The following AOPEP variants were observed in gnomAD, a reference collection of about 807,000 sequenced individuals.
The protein encoded by AOPEP is aminopeptidase O.
Under a neutral mutation model 98.1 loss-of-function variants are expected in AOPEP, and 77 were observed. That is an observed-to-expected ratio of 0.78 (90% confidence interval 0.65 to 0.95). The LOEUF is 0.95. Ranked by LOEUF, AOPEP falls within the 40% of genes least tolerant of loss-of-function variation. The probability of loss-of-function intolerance (pLI) is 0.00; values close to 1 mark genes in which losing one functional copy is unlikely to be tolerated. For synonymous variants in AOPEP, 346 were observed against 365.3 expected, an observed-to-expected ratio of 0.95 and a Z score of 0.60; for missense variants, 1,024 against 1,024.7, an observed-to-expected ratio of 1.00 and a Z score of 0.01.
At chr9:95,149,075 T>C in the AOPEP span, among the ~76,000 whole-genome samples, 1 of 150,338 alleles carries the variant, frequency 6.7e-6, no homozygotes, top group Non-Finnish European at 1.5e-5. Flanking sequence ...TGTCAAACAT[T>C]TTTTTTTTTG....
chr9:95,004,266 G>C lies in AOPEP; in HGVS notation c.1978-892G>C, dbSNP rs573000294. On this transcript the variant is annotated intron_variant, in intron 11 of 16. Coordinates refer to ENST00000375315, the MANE Select transcript of AOPEP (RefSeq NM_001193329.3). ...TTTGGCGGGTGGAGGAAAATCTTGG[G>C]GTATCGCACATTTTTATAAAGTAAG... is the stretch of plus-strand genomic sequence containing the variant. 8.1e-5 allele frequency: 37 copies of C among 456,608 alleles called. 2 individuals carry two copies. The highest frequency in any genetic ancestry group is 3.3e-4 in the Middle Eastern group (1 of 3,066). 28.3% of individuals were successfully genotyped at this position (456,608 alleles called of 1,614,324 possible). A position where few individuals can be genotyped will look rare whatever the true frequency, so the allele number is the denominator to read the frequency against.
the AOPEP span, chr9:95,099,672 C>T: frequency 1.3e-5 from 3 of 231,742 alleles, no homozygotes; most frequent in African/African-American, 2.2e-5. Context: ...TTCAGTGCCA[C>T]GTCCCCAGAG....
chr9:94,750,684 G>T (rs1460878005), intron 1 of AOPEP, among the ~76,000 whole-genome samples: 1 of 151,924 alleles, frequency 6.6e-6, no homozygotes, highest in Admixed American at 6.6e-5. Flanking sequence ...TAAACTTATG[G>T]CAGTTATTTA....
At chr9:94,744,406 A>G (rs1441426070) in intron 1 of AOPEP, among the ~76,000 whole-genome samples, 1 of 151,338 alleles carries the variant, frequency 6.6e-6, no homozygotes, top group Non-Finnish European at 1.5e-5. Flanking sequence ...AACAACAACA[A>G]CAAAATATGG....
intron 11 of AOPEP, among the ~76,000 whole-genome samples, chr9:94,985,434 G>A (rs142662475): frequency 1.3e-5 from 2 of 152,304 alleles, no homozygotes; most frequent in South Asian, 2.1e-4. Context: ...CTGTAGTCAC[G>A]ATGTGCTTTT....
intron 5 of AOPEP, among the ~76,000 whole-genome samples, chr9:94,845,916 A>G (rs10761360): frequency 0.95 from 144,041 of 152,022 alleles, 68,261 homozygotes; most frequent in Middle Eastern, 0.99. Context: ...CCAACATTGC[A>G]AAACTCCATC....
chr9:94,871,900 G>A (rs545659289), intron 5 of AOPEP, among the ~76,000 whole-genome samples: 3 of 152,194 alleles, frequency 2.0e-5, no homozygotes, highest in African/African-American at 7.2e-5. Context: ...CCAGCTACTC[G>A]GGAGGCTGAG....
At chr9:95,084,256 C>T in intron 16 of AOPEP, among the ~76,000 whole-genome samples, 1 of 152,128 alleles carries the variant, frequency 6.6e-6, no homozygotes, top group African/African-American at 2.4e-5. Context: ...TTATGAAAAC[C>T]ATTTCTGTGT....
chr9:94,750,759 T>C (rs1044704137), intron 1 of AOPEP, among the ~76,000 whole-genome samples: 7 of 146,068 alleles, frequency 4.8e-5, no homozygotes, highest in African/African-American at 1.7e-4. Context: ...TTTCTTTCTT[T>C]TTTTTTTTTT....
rs1256906319 is a variant in AOPEP at position 94,800,873 on chromosome 9, G to C, written c.1235G>C (p.Cys412Ser). 1 of 1,614,018 alleles carries C rather than the reference G, an allele frequency of 6.2e-7. No individual in the cohort carries two copies. Among genetic ancestry groups the C allele is most frequent in the African/African-American group, 1.3e-5 (1 of 74,882 alleles). ...GCCCCTGTGTGCCTCACGGGTGCCTGCCAAGAGACCCTTCTGCGGCTGATC... is the reference window on the plus strand; with the variant it reads ...GCCCCTGTGTGCCTCACGGGTGCCTCCCAAGAGACCCTTCTGCGGCTGATC... Reference protein sequence around the residue: ...VFAPVCLTGACQETLLRLIPP... With the variant: ...VFAPVCLTGASQETLLRLIPP... The change falls in exon 5 of 17, where the codon TGC becomes TCC. Residue 412 changes from cysteine to serine, a missense_variant. This residue lies in a region of AOPEP where 566 missense variants were observed against 551.7 expected (regional missense o/e 1.03). Coordinates refer to ENST00000375315, the MANE Select transcript of AOPEP (RefSeq NM_001193329.3).
intron 5 of AOPEP, among the ~76,000 whole-genome samples, chr9:94,835,693 A>G (rs2041509355): frequency 6.6e-6 from 1 of 152,220 alleles, no homozygotes; most frequent in Non-Finnish European, 1.5e-5. Flanking sequence ...AACAGCTTAT[A>G]GGCAAATGCC....
rs71366265 is a variant in AOPEP at position 94,875,347 on chromosome 9, GAAAAAAAAAAA to G, written c.1365-48624_1365-48614del. Among the ~76,000 whole-genome samples, 21 of 71,514 alleles carry G rather than the reference GAAAAAAAAAAA, an allele frequency of 2.9e-4. 1 individual carries two copies. The highest frequency in any genetic ancestry group is 0.017 in the Middle Eastern group (1 of 58). 46.9% of individuals were successfully genotyped at this position (71,514 alleles called of 152,430 possible). On this transcript the variant is annotated intron_variant, in intron 5 of 16. Coordinates refer to ENST00000375315, the MANE Select transcript of AOPEP (RefSeq NM_001193329.3). ...AATTTAACAGAGTTTAATTGAGCAA[GAAAAAAAAAAA>G]AAAAAAAAAAAAAAGACTCATGAAA...
intron 5 of AOPEP, among the ~76,000 whole-genome samples, chr9:94,881,262 T>A (rs1159392676): frequency 7.4e-6 from 1 of 134,360 alleles, no homozygotes; most frequent in South Asian, 2.4e-4. Context: ...TTTTTTTTTT[T>A]AAGACACAGG....
At position 95,082,636 on chromosome 9, in the gene AOPEP, T is replaced by A; in HGVS notation, c.2381T>A (p.Leu794His). The A allele has an allele frequency of 1.2e-6, 2 of 1,614,206 alleles. No homozygotes were observed. The change falls in exon 16 of 17, where the codon CTC becomes CAC. Residue 794 changes from leucine (L) to histidine (H), a missense_variant. Coordinates refer to ENST00000375315, the MANE Select transcript of AOPEP (RefSeq NM_001193329.3). ...MVSEDARQQQLARRCFERTKE... is the reference protein window; with the variant it reads ...MVSEDARQQQHARRCFERTKE... The stretch of plus-strand genomic sequence containing the variant: ...AGTGAGGACGCCAGACAGCAGCAGC[T>A]CGCCCGTAGGTGCTTCGAGCGGACC...
At chr9:94,745,205 A>G (rs998711206) in intron 1 of AOPEP, among the ~76,000 whole-genome samples, 1 of 151,806 alleles carries the variant, frequency 6.6e-6, no homozygotes, top group Non-Finnish European at 1.5e-5. Flanking sequence ...CCCATTAACC[A>G]TCCCCGTTCT....
At chr9:95,097,259 T>C in the AOPEP span, among the ~76,000 whole-genome samples, 4 of 152,270 alleles carry the variant, frequency 2.6e-5, no homozygotes, top group Non-Finnish European at 2.9e-5. Flanking sequence ...AAAGTATAGA[T>C]GCTGTAATGA....
chr9:95,141,443 T>C, the AOPEP span, among the ~76,000 whole-genome samples: 1 of 152,204 alleles, frequency 6.6e-6, no homozygotes, highest in East Asian at 1.9e-4. Context: ...TCCTTGGTAT[T>C]ATGCTGACTT....
intron 7 of AOPEP, among the ~76,000 whole-genome samples, chr9:94,943,929 A>AC: frequency 7.2e-6 from 1 of 139,572 alleles, no homozygotes; most frequent in African/African-American, 3.1e-5. Context: ...CAAAAAAAAA[A>AC]AAAAAAAAAA....
intron 13 of AOPEP, chr9:95,021,567 A>G (rs894192012): frequency 2.0e-5 from 3 of 152,270 alleles, no homozygotes; most frequent in African/African-American, 7.2e-5. Flanking sequence ...CCAGCAGAGG[A>G]TTAGTGATGT....
Sources: allele counts gnomAD v4.1 joint callset (sites outside exome capture counted in the v4.1 genomes callset), GRCh38; gene constraint gnomAD v4.1.1; regional missense constraint gnomAD v4.1.1; transcripts MANE v1.5; gene names NCBI Gene and HGNC (gene_info 2026-07-23, HGNC 2026-07-21).